The following KBTBD4 variants were observed in gnomAD, a reference collection of about 807,000 sequenced individuals.
KBTBD4 encodes the protein kelch repeat and BTB domain containing 4.
Under a neutral mutation model 43.9 loss-of-function variants are expected in KBTBD4, and 30 were observed. That is an observed-to-expected ratio of 0.68 (90% CI 0.51 to 0.93). KBTBD4 has a LOEUF of 0.93. Ranked by LOEUF, KBTBD4 falls within the 40% of genes least tolerant of loss-of-function variation. The probability of loss-of-function intolerance (pLI) is 0.00; values close to 1 mark genes in which losing one functional copy is unlikely to be tolerated. For missense variants in KBTBD4, 575 were observed against 668.8 expected, an observed-to-expected ratio of 0.86 and a Z score of 1.55; for synonymous variants, 258 against 256.9, an observed-to-expected ratio of 1.00 and a Z score of -0.04.
In KBTBD4 at chr11:47,577,770, T is replaced by C. The variant is rs75352463; in HGVS notation, c.278A>G (p.Asn93Ser). 23,726 of 1,614,036 alleles carry C rather than the reference T, an allele frequency of 0.015. 232 individuals are homozygous for C. The highest frequency in any genetic ancestry group is 0.017 in the Non-Finnish European group (19,588 of 1,179,998). The change falls in exon 2 of 4, where the codon AAC becomes AGC. Residue 93 changes from asparagine to serine, a missense_variant. Transcript: ENST00000430070. ...SCFFRSMFTS[N>S]LKEAHNRVIV... The stretch of plus-strand genomic sequence containing the variant: ...CACCCGGTTGTGGGCCTCCTTCAGG[T>C]TGGAAGTGAACATGGATCGGAAGAA...
chr11:47,572,599 G>A lies in KBTBD4; in HGVS notation c.*331C>T, dbSNP rs2097251085. The A allele has an allele frequency of 3.3e-6, 1 of 300,324 alleles. No individual in the cohort carries two copies. Among genetic ancestry groups the A allele is most frequent in the Non-Finnish European group, 6.2e-6 (1 of 161,504 alleles). The allele number at this position is 300,324 out of a possible 1,614,324, so 18.6% of individuals were successfully genotyped here. A position where few individuals can be genotyped will look rare whatever the true frequency, so the allele number is the denominator to read the frequency against. On this transcript the variant is annotated 3_prime_UTR_variant, in exon 4 of 4. Coordinates refer to ENST00000430070, the MANE Select transcript of KBTBD4 (RefSeq NM_018095.6). ...ATCTTTCCTTATGTCCTGGGATCAG[G>A]GGTGCTTACATTTAACATTGATCAG...
chr11:47,573,644 G>A lies in KBTBD4; in HGVS notation c.891C>T (p.Cys297=). ...NSLCHQITAA[C]KHGGDLYVVG... ...CCACATACAAGTCTCCACCATGCTTGCAGGCCGCAGTGATCTGGTGGCACA... is the reference window on the plus strand; with the variant it reads ...CCACATACAAGTCTCCACCATGCTTACAGGCCGCAGTGATCTGGTGGCACA... Residue 297 remains cysteine (C), a synonymous_variant, in exon 4 of 4, where the codon TGC becomes TGT. Transcript: ENST00000430070. The surrounding 1 kb of genome is among the most constrained non-coding windows in gnomAD (Gnocchi z 4.1). The A allele has an allele frequency of 6.2e-7, 1 of 1,613,930 alleles. No individual in the cohort carries two copies. Among genetic ancestry groups the A allele is most frequent in the African/African-American group, 1.3e-5 (1 of 75,048 alleles).
chr11:47,574,490 CTG>C (rs1425979109), intron 3 of KBTBD4, among the ~76,000 whole-genome samples: 1 of 151,810 alleles, frequency 6.6e-6, no homozygotes, highest in African/African-American at 2.4e-5. Flanking sequence ...GAGTAAGACT[CTG>C]TCTCAAAAAC....
In KBTBD4 at chr11:47,573,061, T is replaced by C; in HGVS notation, c.1474A>G (p.Ile492Val). ...LWKIASCNGSIYVFRDRYKKG... is the reference protein window; with the variant it reads ...LWKIASCNGSVYVFRDRYKKG... The stretch of plus-strand genomic sequence containing the variant: ...TTATATCGGTCCCGGAAGACATAGA[T>C]GCTCCCGTTACAGCTGGCAATCTTC... Residue 492 changes from isoleucine to valine, a missense_variant, in exon 4 of 4, where the codon ATC (isoleucine) becomes GTC (valine). Physicochemically the swap from Ile to Val is conservative, Grantham distance 29 (BLOSUM62 3). Coordinates refer to ENST00000430070, the MANE Select transcript of KBTBD4 (RefSeq NM_018095.6). The surrounding 1 kb of genome is among the most constrained non-coding windows in gnomAD (Gnocchi z 4.1). 1.2e-6 allele frequency: 2 copies of C among 1,614,116 alleles called. No homozygotes were observed. Among genetic ancestry groups the C allele is most frequent in the Non-Finnish European group, 1.7e-6 (2 of 1,180,020 alleles).
rs548159566 is a variant in KBTBD4, at chr11:47,577,775, A to C, written c.273T>G (p.Thr91=). The C allele has an allele frequency of 5.0e-6, 8 of 1,614,188 alleles. No homozygotes were observed. In the African/African-American group the frequency reaches 6.7e-5, roughly 13 times the overall value. ...GGTTGTGGGCCTCCTTCAGGTTGGAAGTGAACATGGATCGGAAGAAGCAGC... is the reference window on the plus strand; with the variant it reads ...GGTTGTGGGCCTCCTTCAGGTTGGACGTGAACATGGATCGGAAGAAGCAGC... ...AQSCFFRSMF[T]SNLKEAHNRV... The change falls in exon 2 of 4, where the codon ACT becomes ACG. Residue 91 remains threonine, a synonymous_variant. Coordinates refer to ENST00000430070, the MANE Select transcript of KBTBD4 (RefSeq NM_018095.6).
chr11:47,572,330 T>C lies in KBTBD4; in HGVS notation c.*600A>G, dbSNP rs1005929357. 1.3e-5 allele frequency: 2 copies of C among 152,936 alleles called. No individual in the cohort carries two copies. Among genetic ancestry groups the C allele is most frequent in the East Asian group, 3.8e-4 (2 of 5,208 alleles). The allele number at this position is 152,936 out of a possible 1,614,324, so 9.5% of individuals were successfully genotyped here. A position where few individuals can be genotyped will look rare whatever the true frequency, so the allele number is the denominator to read the frequency against. ...ATTAATCAGAAATAATCATTTCTATTTTCTGGCTTACCCCTTGGAATAAGC... is the reference window on the plus strand; with the variant it reads ...ATTAATCAGAAATAATCATTTCTATCTTCTGGCTTACCCCTTGGAATAAGC... On this transcript the variant is annotated 3_prime_UTR_variant, in exon 4 of 4. Coordinates refer to ENST00000430070, the MANE Select transcript of KBTBD4 (RefSeq NM_018095.6).
At position 47,577,689 on chromosome 11, in the gene KBTBD4, T is replaced by C; in HGVS notation, c.359A>G (p.Tyr120Cys). Residue 120 changes from tyrosine (Y) to cysteine (C), a missense_variant, in exon 2 of 4, where the codon TAC becomes TGC. Tyr to Cys is a radical substitution (Grantham distance 194). Coordinates refer to ENST00000430070, the MANE Select transcript of KBTBD4 (RefSeq NM_018095.6). ...SVFQLLVDYI[Y>C]HGTVKLRAEE... is the part of the protein sequence containing the mutation. ...AGCTCGAAGTTTCACAGTCCCATGG[T>C]AGATATAATCAACCAGGAGCTGGAA... 1 of 1,614,172 alleles carries C rather than the reference T, an allele frequency of 6.2e-7. No homozygotes were observed. The highest frequency in any genetic ancestry group is 8.5e-7 in the Non-Finnish European group (1 of 1,180,026).
chr11:47,578,841 C>A (rs974552017), intron 1 of KBTBD4, 92 bp downstream of exon 1: 124 of 1,545,906 alleles, frequency 8.0e-5, no homozygotes, highest in Non-Finnish European at 1.0e-4. Context: ...CCTGGTTCTT[C>A]AGCGTCCTCG....
chr11:47,576,158 CTTTTTTTT>C (rs11345162), intron 2 of KBTBD4, among the ~76,000 whole-genome samples: 6 of 49,094 alleles, frequency 1.2e-4, no homozygotes, highest in Non-Finnish European at 2.0e-4. Context: ...GCGGGTCTTG[CTTTTTTTT>C]TTTTTTTTTT....
chr11:47,578,958 G>T lies in KBTBD4; in HGVS notation c.-7C>A, dbSNP rs542124082. 7.1e-6 allele frequency: 11 copies of T among 1,551,674 alleles called. No individual in the cohort carries two copies. Among genetic ancestry groups the T allele is most frequent in the South Asian group, 1.2e-5 (1 of 84,066 alleles). Reference sequence around the variant, plus strand: ...CTGCGTTCCCTCCTTTCATCCCGGAGCCCGGAACCTCCGCTTCCGGCTCCA... The same window carrying T: ...CTGCGTTCCCTCCTTTCATCCCGGATCCCGGAACCTCCGCTTCCGGCTCCA... On this transcript the variant is annotated 5_prime_UTR_variant, in exon 1 of 4. Coordinates refer to ENST00000430070, the MANE Select transcript of KBTBD4 (RefSeq NM_018095.6).
intron 1 of KBTBD4, 161 bp downstream of exon 1, chr11:47,578,772 G>C: frequency 6.6e-7 from 1 of 1,509,792 alleles, no homozygotes; most frequent in Non-Finnish European, 8.9e-7. Flanking sequence ...CTCAGAGAGC[G>C]GGGGAGGGGT....
At position 47,573,580 on chromosome 11, in the gene KBTBD4, T is replaced by G; in HGVS notation, c.955A>C (p.Asn319His). The G allele has an allele frequency of 1.2e-6, 2 of 1,614,180 alleles. No individual in the cohort carries two copies. The highest frequency in any genetic ancestry group is 1.7e-6 in the Non-Finnish European group (2 of 1,180,040). ...CACCACTCCCAGTCAACGGTGGCATTGTTGCACTTCCACATGCGCCGTGGG... is the reference window on the plus strand; with the variant it reads ...CACCACTCCCAGTCAACGGTGGCATGGTTGCACTTCCACATGCGCCGTGGG... ...SIPRRMWKCN[N>H]ATVDWEWCAP... Residue 319 changes from asparagine to histidine, a missense_variant, in exon 4 of 4, where the codon AAT (asparagine) becomes CAT (histidine). Physicochemically the swap from Asn to His is moderately conservative, Grantham distance 68. Coordinates refer to ENST00000430070, the MANE Select transcript of KBTBD4 (RefSeq NM_018095.6). The surrounding 1 kb of genome is among the most constrained non-coding windows in gnomAD (Gnocchi z 4.1).
In KBTBD4 at chr11:47,572,821, T is replaced by G. The variant is rs1475489742; in HGVS notation, c.*109A>C. The G allele has an allele frequency of 8.2e-7, 1 of 1,219,110 alleles. No individual in the cohort carries two copies. The highest frequency in any genetic ancestry group is 1.1e-6 in the Non-Finnish European group (1 of 877,214). 75.5% of individuals were successfully genotyped at this position (1,219,110 alleles called of 1,614,324 possible). ...TTCAGGGAAGGGCTGAGGCACTGCC[T>G]TTCTAGTATGTGCCAAAAAAAACAT... On this transcript the variant is annotated 3_prime_UTR_variant, in exon 4 of 4. Transcript: ENST00000430070.
At chr11:47,575,925 C>T (rs1478170941) in intron 2 of KBTBD4, among the ~76,000 whole-genome samples, 1 of 149,504 alleles carries the variant, frequency 6.7e-6, no homozygotes, top group Non-Finnish European at 1.5e-5. Context: ...GGCGCAATCA[C>T]CATCACCATA....
Position 47,573,462 on chromosome 11 carries a change from T to A in KBTBD4, c.1073A>T (p.Asp358Val). The change falls in exon 4 of 4, where the codon GAT becomes GTT. Residue 358 changes from aspartate to valine, a missense_variant. By Grantham distance (152) the Asp-to-Val change is radical. Coordinates refer to ENST00000430070, the MANE Select transcript of KBTBD4 (RefSeq NM_018095.6). The surrounding 1 kb of genome is among the most constrained non-coding windows in gnomAD (Gnocchi z 4.1). Reference sequence around the variant, plus strand: ...ATAAATGACTGCGTTGGAGAGGGTATCTTGCAGTGTCTTGCCACCCAGTGA... The same window carrying A: ...ATAAATGACTGCGTTGGAGAGGGTAACTTGCAGTGTCTTGCCACCCAGTGA... Reference protein sequence around the residue: ...IYSLGGKTLQDTLSNAVIYYR... With the variant: ...IYSLGGKTLQVTLSNAVIYYR... 6.2e-7 allele frequency: 1 copy of A among 1,614,216 alleles called. No homozygotes were observed. Among genetic ancestry groups the A allele is most frequent in the Non-Finnish European group, 8.5e-7 (1 of 1,180,050 alleles).
In KBTBD4 at chr11:47,577,439, G is replaced by A. The variant is rs748433951; in HGVS notation, c.609C>T (p.Pro203=). 30 of 1,608,026 alleles carry A rather than the reference G, an allele frequency of 1.9e-5. No homozygotes were observed. Among genetic ancestry groups the A allele is most frequent in the Admixed American group, 3.3e-5 (2 of 59,854 alleles). The stretch of plus-strand genomic sequence containing the variant: ...AGATGATATCTGTGAGTAAGCGGTG[G>A]GGCAAGTGGAGAAATTCCTCTGTAT... ...LQNTEEFLHL[P]HRLLTDIISD... The change falls in exon 2 of 4, where the codon CCC becomes CCT. Residue 203 remains proline, a synonymous_variant. Transcript: ENST00000430070.
intron 1 of KBTBD4, 89 bp downstream of exon 1, chr11:47,578,844 C>T (rs1233552915): frequency 7.1e-6 from 11 of 1,548,678 alleles, no homozygotes; most frequent in Non-Finnish European, 8.7e-6. Flanking sequence ...GGTTCTTCAG[C>T]GTCCTCGCCT....
intron 1 of KBTBD4, 171 bp from the exon 2 acceptor site, chr11:47,578,199 T>C: frequency 1.5e-6 from 1 of 674,642 alleles, no homozygotes; most frequent in Non-Finnish European, 2.5e-6. Flanking sequence ...TAACCAAATC[T>C]GGGTTCGTTA....
Position 47,573,011 on chromosome 11 carries a change from C to T in KBTBD4, c.1524G>A (p.Lys508=), listed in dbSNP as rs150112833. ...RYKKGDANTY[K]LDPATSAVTV... ...TTACGGCTGAAGTGGCAGGGTCAAG[C>T]TTGTAGGTGTTGGCATCCCCCTTTT... Residue 508 remains lysine (K), a synonymous_variant, in exon 4 of 4, where the codon AAG becomes AAA. Coordinates refer to ENST00000430070, the MANE Select transcript of KBTBD4 (RefSeq NM_018095.6). The surrounding 1 kb of genome is among the most constrained non-coding windows in gnomAD (Gnocchi z 4.1). 1.4e-5 allele frequency: 22 copies of T among 1,614,128 alleles called. No homozygotes were observed. The highest frequency in any genetic ancestry group is 1.7e-5 in the Non-Finnish European group (20 of 1,180,028).
Sources: gnomAD v4.1 joint callset for allele counts (sites outside exome capture counted in the v4.1 genomes callset) on GRCh38, gnomAD v4.1.1 for gene constraint, Gnocchi (gnomAD v3.1) non-coding constraint, MANE v1.5 for transcripts, NCBI Gene and HGNC (gene_info 2026-07-23, HGNC 2026-07-21) for gene names.